RBFOX1: variants seen among roughly 807,000 people sequenced by gnomAD.
RBFOX1 encodes the protein RNA binding protein fox-1 homolog 1.
A neutral mutation model predicts 57.7 loss-of-function variants in RBFOX1; 8 were observed. The ratio of observed to expected loss-of-function variants is 0.14; its 90% CI spans 0.08 to 0.25. The LOEUF (loss-of-function observed/expected upper bound fraction) is 0.25, where lower values mean the gene tolerates loss of function less well. RBFOX1 is among the 10% of genes least tolerant of loss of function. The probability of loss-of-function intolerance (pLI) is 1.00; values close to 1 mark genes in which losing one functional copy is unlikely to be tolerated. For missense variants in RBFOX1, 611 were observed against 548.5 expected (o/e 1.11, Z -1.14); for synonymous variants, 326 against 222.4 (o/e 1.47, Z -4.15).
intron 4 of RBFOX1, among the ~76,000 whole-genome samples, chr16:7,283,936 G>C (rs987732207): frequency 2.6e-5 from 4 of 152,224 alleles, no homozygotes; most frequent in Non-Finnish European, 5.9e-5. Context: ...CTAGGGCCTA[G>C]TTATAGTTAG....
intron 4 of RBFOX1, among the ~76,000 whole-genome samples, chr16:5,893,263 A>C (rs1156723604): frequency 6.6e-6 from 1 of 152,234 alleles, no homozygotes; most frequent in South Asian, 2.1e-4. Flanking sequence ...GTATTTTACA[A>C]GTAAATACGT....
At chr16:7,345,603 C>T (rs1343291095) in intron 4 of RBFOX1, among the ~76,000 whole-genome samples, 7 of 152,058 alleles carry the variant, frequency 4.6e-5, no homozygotes, top group Admixed American at 2.0e-4. Flanking sequence ...TCATACAGAA[C>T]GCCAGTCATC....
At chr16:6,718,534 G>C (rs1352867825) in intron 3 of RBFOX1, among the ~76,000 whole-genome samples, 1 of 152,204 alleles carries the variant, frequency 6.6e-6, no homozygotes, top group Non-Finnish European at 1.5e-5. Context: ...TAAGGAGGCA[G>C]CATTTTCGTG....
intron 2 of RBFOX1, among the ~76,000 whole-genome samples, chr16:6,600,153 C>G (rs2097833765): frequency 6.6e-6 from 1 of 152,154 alleles, no homozygotes; most frequent in Non-Finnish European, 1.5e-5. Flanking sequence ...TTTAGTAGGA[C>G]ACAGAATCAG....
intron 1 of RBFOX1, among the ~76,000 whole-genome samples, chr16:6,052,559 C>T (rs867149214): frequency 6.6e-6 from 1 of 151,518 alleles, no homozygotes; most frequent in Non-Finnish European, 1.5e-5. Context: ...CCGAGGCGGG[C>T]GGATCACGAG....
chr16:7,182,438 T>TAGC (rs78482744), intron 4 of RBFOX1, among the ~76,000 whole-genome samples: 3,077 of 152,306 alleles, frequency 0.02, 35 homozygotes, highest in Non-Finnish European at 0.028. Flanking sequence ...CGAAAGTTCT[T>TAGC]AGCAGCAGCA....
chr16:6,221,762 A>G (rs984215082), intron 1 of RBFOX1, among the ~76,000 whole-genome samples: 1 of 152,144 alleles, frequency 6.6e-6, no homozygotes, highest in East Asian at 1.9e-4. Flanking sequence ...GCTTGTGCAG[A>G]GGAACTCCCA....
intron 14 of RBFOX1, among the ~76,000 whole-genome samples, chr16:7,696,564 C>G (rs1379009755): frequency 2.0e-5 from 3 of 152,108 alleles, no homozygotes; most frequent in Non-Finnish European, 4.4e-5. Context: ...CGATTAATAT[C>G]TCTAGTCCTT....
intron 2 of RBFOX1, among the ~76,000 whole-genome samples, chr16:5,514,503 T>C (rs1019778430): frequency 2.6e-5 from 4 of 152,054 alleles, no homozygotes; most frequent in Admixed American, 1.3e-4. Flanking sequence ...CCTGCCTCTT[T>C]AGTGAGAGGA....
At chr16:6,081,454 G>T (rs1462173876) in intron 1 of RBFOX1, among the ~76,000 whole-genome samples, 1 of 152,152 alleles carries the variant, frequency 6.6e-6, no homozygotes, top group Non-Finnish European at 1.5e-5. Flanking sequence ...ATGCTTCTGA[G>T]CTGAAGATGA....
chr16:7,233,820 C>G (rs953112450), intron 4 of RBFOX1, among the ~76,000 whole-genome samples: 9 of 152,238 alleles, frequency 5.9e-5, no homozygotes, highest in African/African-American at 2.2e-4. Flanking sequence ...CTAATGGAGT[C>G]TTACTAAGGG....
chr16:6,854,358 G>A (rs1306834378), intron 3 of RBFOX1, among the ~76,000 whole-genome samples: 1 of 151,958 alleles, frequency 6.6e-6, no homozygotes, highest in Non-Finnish European at 1.5e-5. Context: ...AAGAGGAAAG[G>A]GCTTAAGGGG....
At chr16:6,399,153 A>G (rs1246577919) in intron 2 of RBFOX1, among the ~76,000 whole-genome samples, 2 of 152,200 alleles carry the variant, frequency 1.3e-5, no homozygotes, top group African/African-American at 4.8e-5. Flanking sequence ...CCATGGCTGG[A>G]GCTGAAGCAG....
intron 4 of RBFOX1, among the ~76,000 whole-genome samples, chr16:7,394,483 CAA>C (rs2148570575): frequency 6.6e-6 from 1 of 152,176 alleles, no homozygotes; most frequent in African/African-American, 2.4e-5. Flanking sequence ...AGGGTTGACA[CAA>C]GAGTCAAACC....
intron 1 of RBFOX1, among the ~76,000 whole-genome samples, chr16:6,053,350 A>G (rs922353622): frequency 2.0e-5 from 3 of 152,180 alleles, no homozygotes; most frequent in African/African-American, 7.2e-5. Flanking sequence ...GGCTAACACA[A>G]TTAGTGAGTG....
intron 1 of RBFOX1, among the ~76,000 whole-genome samples, chr16:6,200,400 G>A (rs11863812): frequency 0.31 from 46,759 of 151,904 alleles, 7,886 homozygotes; most frequent in African/African-American, 0.42. Flanking sequence ...GAGAGAGAGA[G>A]AAAGAGAGAA....
At chr16:5,624,442 C>T (rs1233196108) in intron 3 of RBFOX1, among the ~76,000 whole-genome samples, 2 of 152,222 alleles carry the variant, frequency 1.3e-5, no homozygotes, top group African/African-American at 2.4e-5. Context: ...CGTGATCCGC[C>T]CGCCTCGGCC....
intron 10 of RBFOX1, among the ~76,000 whole-genome samples, chr16:7,623,780 C>T (rs2059669471): frequency 6.6e-6 from 1 of 152,118 alleles, no homozygotes; most frequent in Non-Finnish European, 1.5e-5. Context: ...TCTTCTGAGG[C>T]CTCTCTCCTT....
intron 1 of RBFOX1, among the ~76,000 whole-genome samples, chr16:5,333,486 G>A (rs947769827): frequency 1.5e-4 from 23 of 152,108 alleles, no homozygotes; most frequent in Admixed American, 1.3e-4. Flanking sequence ...TATACACAAT[G>A]AAAAAGCTGC....
Sources: allele counts gnomAD v4.1 joint callset (sites outside exome capture counted in the v4.1 genomes callset), GRCh38; gene constraint gnomAD v4.1.1; transcripts MANE v1.5; gene names NCBI Gene and HGNC (gene_info 2026-07-23, HGNC 2026-07-21).